MDGA2: variants seen among roughly 807,000 people sequenced by gnomAD.
MDGA2 encodes MAM domain containing glycosylphosphatidylinositol anchor 2, also known as MAM domain-containing glycosylphosphatidylinositol anchor protein 2.
Under a neutral mutation model 117.8 loss-of-function variants are expected in MDGA2, and 40 were observed. The observed-to-expected ratio is 0.34, with a 90% CI of 0.26 to 0.44. The LOEUF (loss-of-function observed/expected upper bound fraction) is 0.44, where lower values mean the gene tolerates loss of function less well. Among genes scored for constraint, MDGA2 ranks in the 20% least tolerant of loss-of-function variants. The probability of loss-of-function intolerance (pLI) is 1.00; values close to 1 mark genes in which losing one functional copy is unlikely to be tolerated. For missense variants in MDGA2, 1,123 were observed against 1,250.6 expected, an observed-to-expected ratio of 0.90 and a Z score of 1.54; for synonymous variants, 452 against 439.0, an observed-to-expected ratio of 1.03 and a Z score of -0.37.
At chr14:47,200,775 G>T in intron 3 of MDGA2, 2 of 837,034 alleles carry the variant, frequency 2.4e-6, no homozygotes, top group Non-Finnish European at 4.0e-6. Flanking sequence ...AGGCGCCCCA[G>T]TTAGGCAAAC....
At chr14:47,607,424 T>C (rs977499683) in intron 1 of MDGA2, among the ~76,000 whole-genome samples, 2 of 152,206 alleles carry the variant, frequency 1.3e-5, no homozygotes, top group Non-Finnish European at 2.9e-5. Context: ...TATAAGGTTA[T>C]TTTAGTTGCT....
intron 5 of MDGA2, among the ~76,000 whole-genome samples, chr14:47,107,595 T>A (rs1193571654): frequency 4.0e-5 from 6 of 151,644 alleles, no homozygotes; most frequent in African/African-American, 9.7e-5. Context: ...CCCAAATTTC[T>A]TCCTCATCTG....
intron 14 of MDGA2, among the ~76,000 whole-genome samples, chr14:46,857,564 T>TA (rs1881318249): frequency 6.6e-6 from 1 of 152,212 alleles, no homozygotes; most frequent in African/African-American, 2.4e-5. Context: ...TGAATGTAAA[T>TA]ACGGTTTTCT....
intron 5 of MDGA2, among the ~76,000 whole-genome samples, chr14:47,107,594 C>A (rs55796782): frequency 0.47 from 66,351 of 142,372 alleles, 13,236 homozygotes; most frequent in African/African-American, 0.52. Flanking sequence ...GCCCAAATTT[C>A]TTCCTCATCT....
intron 1 of MDGA2, among the ~76,000 whole-genome samples, chr14:47,418,435 G>C (rs2138501794): frequency 6.6e-6 from 1 of 152,228 alleles, no homozygotes; most frequent in East Asian, 1.9e-4. Context: ...AGATCAAGGT[G>C]CTGAAAGTTC....
At chr14:47,282,910 C>T (rs1027580593) in intron 2 of MDGA2, among the ~76,000 whole-genome samples, 6 of 151,036 alleles carry the variant, frequency 4.0e-5, no homozygotes, top group African/African-American at 1.5e-4. Flanking sequence ...ATCATGCCAC[C>T]GCACTCCAGC....
At chr14:47,091,630 G>A (rs1282954081) in intron 6 of MDGA2, among the ~76,000 whole-genome samples, 1 of 152,072 alleles carries the variant, frequency 6.6e-6, no homozygotes, top group Non-Finnish European at 1.5e-5. Context: ...AGCCATGGGA[G>A]GAATCTGATC....
rs1896453760 is a variant in MDGA2 at position 47,592,183 on chromosome 14, A to G, written c.280+82334T>C. Among the ~76,000 whole-genome samples, 3 of 152,084 alleles carry G rather than the reference A, an allele frequency of 2.0e-5. No individual in the cohort carries two copies. In the South Asian group the frequency reaches 6.2e-4, roughly 32 times the overall value. On this transcript the variant is annotated intron_variant, in intron 1 of 16. Transcript: ENST00000399232. ...AAAATACCTAGGAATACAACAAACA[A>G]TGGAAGTGAAGAACCTCTTCTAGGA... is the stretch of plus-strand genomic sequence containing the variant.
chr14:47,640,352 T>C (rs1303458634), intron 1 of MDGA2, among the ~76,000 whole-genome samples: 1 of 152,090 alleles, frequency 6.6e-6, no homozygotes, highest in Non-Finnish European at 1.5e-5. Flanking sequence ...TTATGCCAAT[T>C]CATGCCCTCA....
chr14:47,080,695 G>C (rs567305956), intron 6 of MDGA2, among the ~76,000 whole-genome samples: 1 of 152,036 alleles, frequency 6.6e-6, no homozygotes, highest in African/African-American at 2.4e-5. Context: ...ACGTCAAAGC[G>C]CATTTATAGT....
chr14:47,197,125 C>T (rs759052567), intron 3 of MDGA2, among the ~76,000 whole-genome samples: 5 of 152,164 alleles, frequency 3.3e-5, no homozygotes, highest in South Asian at 2.1e-4. Flanking sequence ...CCATGATGAA[C>T]ACAAAAGTGC....
At chr14:47,045,975 G>T (rs1195082166) in intron 7 of MDGA2, among the ~76,000 whole-genome samples, 1 of 150,774 alleles carries the variant, frequency 6.6e-6, no homozygotes, top group Admixed American at 6.6e-5. Context: ...AAAAAAAAAG[G>T]GGGAACATCA....
intron 10 of MDGA2, among the ~76,000 whole-genome samples, chr14:46,890,681 A>C (rs1028153627): frequency 2.0e-5 from 3 of 152,074 alleles, no homozygotes; most frequent in African/African-American, 7.2e-5. Flanking sequence ...CTATGCAAGC[A>C]GAGTCTCTGG....
intron 8 of MDGA2, among the ~76,000 whole-genome samples, chr14:47,029,477 G>C (rs537651433): frequency 2.0e-5 from 3 of 152,232 alleles, no homozygotes; most frequent in African/African-American, 7.2e-5. Flanking sequence ...TTGGTTTTTA[G>C]TATATATTTT....
Position 46,873,500 on chromosome 14 carries a change from G to A in MDGA2, c.2685C>T (p.Asn895=). 1 of 1,612,578 alleles carries A rather than the reference G, an allele frequency of 6.2e-7. No homozygotes were observed. The highest frequency in any genetic ancestry group is 8.5e-7 in the Non-Finnish European group (1 of 1,179,058). Residue 895 remains asparagine (N), a synonymous_variant, in exon 14 of 17, where the codon AAC becomes AAT. Transcript: ENST00000399232. ...ATGCAGTGTTTGTGGGTCCATAAGGGTTTTTGGGAGCTATGCTGAAAACAG... is the reference window on the plus strand; with the variant it reads ...ATGCAGTGTTTGTGGGTCCATAAGGATTTTTGGGAGCTATGCTGAAAACAG... ...LSPVFSIAPK[N]PYGPTNTAYC... is the part of the protein sequence containing the mutation.
intron 2 of MDGA2, among the ~76,000 whole-genome samples, chr14:47,262,339 T>G (rs1350325627): frequency 6.6e-6 from 1 of 152,158 alleles, no homozygotes; most frequent in Non-Finnish European, 1.5e-5. Flanking sequence ...AATTTTCAGC[T>G]CCTCCACTCT....
intron 3 of MDGA2, among the ~76,000 whole-genome samples, chr14:47,170,989 T>C (rs542525257): frequency 3.9e-5 from 6 of 152,176 alleles, no homozygotes; most frequent in Non-Finnish European, 8.8e-5. Context: ...TATCAAAAGA[T>C]GGGATGTCTG....
intron 1 of MDGA2, among the ~76,000 whole-genome samples, chr14:47,619,149 ACAGATACATT>A (rs1016370726): frequency 2.0e-5 from 3 of 146,532 alleles, no homozygotes; most frequent in Non-Finnish European, 4.5e-5. Flanking sequence ...ACACACACAC[ACAGATACATT>A]ATCTACAAAA....
intron 2 of MDGA2, among the ~76,000 whole-genome samples, chr14:47,290,035 G>T (rs879269637): frequency 2.0e-5 from 3 of 152,050 alleles, no homozygotes; most frequent in African/African-American, 7.2e-5. Flanking sequence ...CCTTGTGCAT[G>T]AACTTGCAAA....
Sources: gnomAD v4.1 joint callset for allele counts (sites outside exome capture counted in the v4.1 genomes callset) on GRCh38, gnomAD v4.1.1 for gene constraint, MANE v1.5 for transcripts, NCBI Gene and HGNC (gene_info 2026-07-23, HGNC 2026-07-21) for gene names.